The following FRAS1 variants were observed in gnomAD, a reference collection of about 807,000 sequenced individuals.
FRAS1 encodes the protein extracellular matrix organizing protein FRAS1.
A neutral mutation model predicts 435.2 loss-of-function variants in FRAS1; 290 were observed. That is an observed-to-expected ratio of 0.67 (90% CI 0.61 to 0.73). FRAS1 has a LOEUF of 0.73. Among genes scored for constraint, FRAS1 ranks in the 30% least tolerant of loss-of-function variants. FRAS1 has a pLI of 0.00. For missense variants in FRAS1, 4,860 were observed against 5,001.5 expected, an observed-to-expected ratio of 0.97 and a Z score of 0.85; for synonymous variants, 1,800 against 1,851.0, an observed-to-expected ratio of 0.97 and a Z score of 0.71.
At chr4:78,470,556 T>C (rs759289563) in intron 51 of FRAS1, among the ~76,000 whole-genome samples, 21 of 152,130 alleles carry the variant, frequency 1.4e-4, no homozygotes, top group Admixed American at 2.6e-4. Flanking sequence ...CTAACAACTG[T>C]GGCTCAAAAA....
intron 19 of FRAS1, among the ~76,000 whole-genome samples, chr4:78,335,702 G>A (rs566774486): frequency 1.1e-4 from 16 of 152,166 alleles, no homozygotes; most frequent in Admixed American, 2.0e-4. Context: ...CACTTTCCCC[G>A]GGCTACAGCA....
intron 2 of FRAS1, among the ~76,000 whole-genome samples, chr4:78,197,797 T>C (rs933337226): frequency 5.9e-5 from 9 of 151,886 alleles, no homozygotes; most frequent in African/African-American, 1.9e-4. Context: ...AAAAATTAGC[T>C]GGGCGTGGTG....
intron 6 of FRAS1, among the ~76,000 whole-genome samples, chr4:78,263,670 G>T (rs534269647): frequency 1.3e-5 from 2 of 152,188 alleles, no homozygotes; most frequent in Non-Finnish European, 2.9e-5. Context: ...AGATCTGTCT[G>T]TAGTCAAGAA....
intron 40 of FRAS1, among the ~76,000 whole-genome samples, chr4:78,439,730 A>G (rs1734578245): frequency 6.6e-6 from 1 of 152,140 alleles, no homozygotes; most frequent in South Asian, 2.1e-4. Flanking sequence ...TCTTGGGCTC[A>G]AGCAATCCTC....
Position 78,058,026 on chromosome 4 carries a change from T to C in FRAS1, c.17T>C (p.Val6Ala), listed in dbSNP as rs1739553556. 5.0e-6 allele frequency: 8 copies of C among 1,613,940 alleles called. No individual in the cohort carries two copies. The highest frequency in any genetic ancestry group is 6.8e-6 in the Non-Finnish European group (8 of 1,179,856). Residue 6 changes from valine to alanine, a missense_variant, in exon 1 of 74, where the codon GTG (valine) becomes GCG (alanine). Physicochemically the swap from Val to Ala is moderately conservative, Grantham distance 64. Transcript: ENST00000512123. MGVLK[V>A]WLGLALALAE... ...GAGGCGGCGATGGGTGTCCTCAAAG[T>C]GTGGCTCGGGCTGGCCCTAGCGTTG...
At chr4:78,487,566 A>G (rs1171623062) in intron 58 of FRAS1, among the ~76,000 whole-genome samples, 1 of 152,192 alleles carries the variant, frequency 6.6e-6, no homozygotes, top group African/African-American at 2.4e-5. Context: ...TCGTGAATAA[A>G]TTAATAACCA....
intron 41 of FRAS1, 108 bp from the exon 42 acceptor site, chr4:78,445,414 A>G: frequency 7.2e-7 from 1 of 1,384,552 alleles, no homozygotes; most frequent in Non-Finnish European, 9.5e-7. Context: ...TTTATCCTCA[A>G]ATACATTTTC....
At chr4:78,379,703 CT>C in intron 26 of FRAS1, 22 bp from the exon 27 acceptor site, 1 of 1,600,054 alleles carries the variant, frequency 6.2e-7, no homozygotes. Context: ...TAAGCTTGAC[CT>C]TTGGATTCAT....
chr4:78,181,122 C>A, intron 2 of FRAS1: 1 of 1,573,324 alleles, frequency 6.4e-7, no homozygotes, highest in Non-Finnish European at 8.8e-7. Flanking sequence ...TTTATGAAAA[C>A]AAATCCCTTC....
At chr4:78,507,966 G>A (rs968210322) in intron 62 of FRAS1, among the ~76,000 whole-genome samples, 1 of 152,194 alleles carries the variant, frequency 6.6e-6, no homozygotes, top group South Asian at 2.1e-4. Context: ...ACCAAATCCT[G>A]TTGGTATCTT....
intron 2 of FRAS1, chr4:78,068,558 T>C (rs774215913): frequency 2.4e-5 from 11 of 456,232 alleles, no homozygotes; most frequent in South Asian, 1.7e-4. Context: ...TTCAGGAAGG[T>C]GGATGAGCCA....
rs1199864887 is a variant in FRAS1, at chr4:78,541,337, C to T, written c.*213C>T. 2 of 385,980 alleles carry T rather than the reference C, an allele frequency of 5.2e-6. No homozygotes were observed. The highest frequency in any genetic ancestry group is 7.4e-5 in the East Asian group (2 of 26,888). The allele number at this position is 385,980 out of a possible 1,614,324, so 23.9% of individuals were successfully genotyped here. The stretch of plus-strand genomic sequence containing the variant: ...GTATTACAGTTATTTCCGTAGATCC[C>T]TTTAATAGTGTCAACAACTGTACAC... On this transcript the variant is annotated 3_prime_UTR_variant, in exon 74 of 74. Transcript: ENST00000512123.
At position 78,274,643 on chromosome 4, in the gene FRAS1, C is replaced by G. The variant is rs537174437; in HGVS notation, c.982-4012C>G. On this transcript the variant is annotated intron_variant, in intron 9 of 73. Transcript: ENST00000512123. Reference sequence around the variant, plus strand: ...AGCAGTTTGGAGTGAGTTTCTTAATCCTGAGTTCTAGTTTGATTGCACTGT... The same window carrying G: ...AGCAGTTTGGAGTGAGTTTCTTAATGCTGAGTTCTAGTTTGATTGCACTGT... Among the ~76,000 whole-genome samples the G allele has an allele frequency of 6.6e-4, 100 of 152,258 alleles. 1 individual carries two copies. The highest frequency in any genetic ancestry group is 2.2e-3 in the African/African-American group (92 of 41,544).
intron 55 of FRAS1, among the ~76,000 whole-genome samples, chr4:78,478,949 G>GT (rs1186590775): frequency 6.6e-6 from 1 of 152,146 alleles, no homozygotes; most frequent in African/African-American, 2.4e-5. Flanking sequence ...TTTTAAATAA[G>GT]CCTGTTTCTT....
chr4:78,066,627 C>T (rs1740051130), intron 2 of FRAS1, among the ~76,000 whole-genome samples: 2 of 152,048 alleles, frequency 1.3e-5, no homozygotes, highest in African/African-American at 2.4e-5. Flanking sequence ...TGTGTTAAAG[C>T]CTTATTGAAA....
chr4:78,469,961 T>C lies in FRAS1; in HGVS notation c.7258-17T>C, dbSNP rs1170674336. On this transcript the variant is annotated splice_polypyrimidine_tract_variant and intron_variant, in intron 50 of 73. Coordinates refer to ENST00000512123, the MANE Select transcript of FRAS1 (RefSeq NM_025074.7). ...TACTTGTGAATGATGAGTTTTCTTTTCTGCCCTCCCCTTCAGATTATGACA... is the reference window on the plus strand; with the variant it reads ...TACTTGTGAATGATGAGTTTTCTTTCCTGCCCTCCCCTTCAGATTATGACA... 1 of 1,591,478 alleles carries C rather than the reference T, an allele frequency of 6.3e-7. No individual in the cohort carries two copies.
chr4:78,285,317 G>A (rs554646150), intron 13 of FRAS1, among the ~76,000 whole-genome samples: 39 of 149,378 alleles, frequency 2.6e-4, no homozygotes, highest in African/African-American at 9.1e-4. Flanking sequence ...CCGAGATTGT[G>A]CCACTGCACT....
chr4:78,372,418 G>T (rs115381651), intron 23 of FRAS1, among the ~76,000 whole-genome samples: 2,445 of 152,256 alleles, frequency 0.016, 71 homozygotes, highest in African/African-American at 0.055. Context: ...ATGGCACAGG[G>T]ATAAAGAACT....
intron 70 of FRAS1, among the ~76,000 whole-genome samples, chr4:78,530,539 A>T (rs1578376736): frequency 6.6e-6 from 1 of 152,320 alleles, no homozygotes; most frequent in African/African-American, 2.4e-5. Context: ...TGGGGAAAGG[A>T]TTCTTTATTT....
Sources: allele counts gnomAD v4.1 joint callset (sites outside exome capture counted in the v4.1 genomes callset), GRCh38; gene constraint gnomAD v4.1.1; transcripts MANE v1.5; gene names NCBI Gene and HGNC (gene_info 2026-07-23, HGNC 2026-07-21).